The following GSE1 variants were observed in gnomAD, a reference collection of about 807,000 sequenced individuals.
GSE1 encodes the protein Gse1 coiled-coil protein, also known as genetic suppressor element 1.
In GSE1, 32 loss-of-function variants were observed where a neutral mutation model predicts 112.6. The observed-to-expected ratio is 0.28, with a 90% CI of 0.21 to 0.38. GSE1 has a LOEUF of 0.38. GSE1 is among the 10% of genes least tolerant of loss of function. GSE1 has a pLI of 1.00. For missense variants in GSE1, 2,348 were observed against 1,699.2 expected (o/e 1.38, Z -6.71); for synonymous variants, 1,115 against 735.6 (o/e 1.52, Z -8.35).
At chr16:85,525,248 TG>T (rs200945549) in intron 2 of GSE1, among the ~76,000 whole-genome samples, 240 of 139,904 alleles carry the variant, frequency 1.7e-3, no homozygotes, top group African/African-American at 4.9e-3. Flanking sequence ...CTGGCTCACT[TG>T]TCCCCCCCCC....
At chr16:85,661,014 A>G in intron 8 of GSE1, 132 bp from the exon 9 acceptor site, 1 of 717,202 alleles carries the variant, frequency 1.4e-6, no homozygotes, top group Non-Finnish European at 2.3e-6. Flanking sequence ...CCCTCCCTGC[A>G]GCCCTGTTGG....
chr16:85,646,728 G>C (rs1486596727), intron 2 of GSE1, among the ~76,000 whole-genome samples: 1 of 152,162 alleles, frequency 6.6e-6, no homozygotes, highest in Non-Finnish European at 1.5e-5. Flanking sequence ...GGAGTCGGGG[G>C]TGTGAGTGTG....
chr16:85,427,833 A>AAAAT (rs957734482), intron 2 of GSE1, among the ~76,000 whole-genome samples: 3 of 152,362 alleles, frequency 2.0e-5, no homozygotes, highest in South Asian at 2.1e-4. Flanking sequence ...CTCCGTCTCA[A>AAAAT]AAATAAATAA....
intron 1 of GSE1, among the ~76,000 whole-genome samples, chr16:85,603,121 C>G (rs973601546): frequency 1.3e-5 from 2 of 152,232 alleles, no homozygotes; most frequent in African/African-American, 4.8e-5. Context: ...TCAGAGCTCA[C>G]GAGGCAGCAA....
chr16:85,572,750 G>A (rs1298872476), intron 1 of GSE1, among the ~76,000 whole-genome samples: 2 of 152,202 alleles, frequency 1.3e-5, no homozygotes, highest in South Asian at 2.1e-4. Context: ...GACCTCATCC[G>A]GGAAAGGGGA....
chr16:85,521,913 C>T (rs1021577738), intron 2 of GSE1, among the ~76,000 whole-genome samples: 3 of 152,222 alleles, frequency 2.0e-5, no homozygotes, highest in African/African-American at 7.2e-5. Context: ...CCAAGTGTTC[C>T]CGTGACAGAG....
intron 2 of GSE1, among the ~76,000 whole-genome samples, chr16:85,451,164 T>C (rs2049669218): frequency 1.3e-5 from 2 of 150,770 alleles, no homozygotes; most frequent in African/African-American, 4.9e-5. Flanking sequence ...TACCAGTTGG[T>C]GAATTCTCAC....
At chr16:85,353,523 G>A (rs535944110) in intron 1 of GSE1, among the ~76,000 whole-genome samples, 23 of 152,200 alleles carry the variant, frequency 1.5e-4, no homozygotes, top group African/African-American at 5.5e-4. Flanking sequence ...ATCATCAGGA[G>A]AGTTCAACTT....
chr16:85,299,526 A>G (rs1243207186), intron 1 of GSE1, among the ~76,000 whole-genome samples: 1 of 152,236 alleles, frequency 6.6e-6, no homozygotes, highest in African/African-American at 2.4e-5. Context: ...CTGGGCCTCC[A>G]GTGAACTTGT....
intron 1 of GSE1, among the ~76,000 whole-genome samples, chr16:85,174,748 A>G (rs778307153): frequency 6.6e-5 from 10 of 152,298 alleles, no homozygotes; most frequent in Non-Finnish European, 1.0e-4. Context: ...CAGGGTGGGC[A>G]TGGGCAGCGA....
At chr16:85,653,906 G>C (rs1182584307) in intron 3 of GSE1, among the ~76,000 whole-genome samples, 1 of 152,172 alleles carries the variant, frequency 6.6e-6, no homozygotes, top group African/African-American at 2.4e-5. Context: ...CCGGGTGTGT[G>C]TCTGGTGTGA....
chr16:85,660,376 C>T (rs183301036), intron 8 of GSE1, among the ~76,000 whole-genome samples: 1 of 152,180 alleles, frequency 6.6e-6, no homozygotes, highest in Non-Finnish European at 1.5e-5. Context: ...GTGGCTCACT[C>T]CTGTAATCCC....
At chr16:85,666,507 T>G (rs1053299416) in intron 13 of GSE1, 160 bp downstream of exon 13, 1 of 691,504 alleles carries the variant, frequency 1.4e-6, no homozygotes, top group African/African-American at 1.8e-5. Flanking sequence ...AAAACCATGT[T>G]TGTTTGTTTA....
chr16:85,453,556 T>C (rs1028989510), intron 2 of GSE1, among the ~76,000 whole-genome samples: 2 of 152,034 alleles, frequency 1.3e-5, no homozygotes, highest in Non-Finnish European at 2.9e-5. Context: ...GTGGTGACCC[T>C]GGGGCTGGGT....
intron 1 of GSE1, among the ~76,000 whole-genome samples, chr16:85,258,940 G>C (rs931636275): frequency 6.6e-6 from 1 of 152,214 alleles, no homozygotes; most frequent in Non-Finnish European, 1.5e-5. Flanking sequence ...CAGCTGTCAG[G>C]GGCCCACTGC....
intron 1 of GSE1, among the ~76,000 whole-genome samples, chr16:85,236,123 G>A (rs1245288678): frequency 6.6e-6 from 1 of 152,150 alleles, no homozygotes; most frequent in Non-Finnish European, 1.5e-5. Context: ...CAGGCTGTAA[G>A]CTGGGCCACC....
chr16:85,174,992 C>T (rs2074431964), intron 1 of GSE1, among the ~76,000 whole-genome samples: 1 of 152,194 alleles, frequency 6.6e-6, no homozygotes, highest in Non-Finnish European at 1.5e-5. Flanking sequence ...GGAAGCCACT[C>T]AGCTGGGGAC....
Position 85,675,199 on chromosome 16 carries a change from T to C in GSE1, c.*2660T>C, listed in dbSNP as rs1204144843. 6.6e-6 allele frequency: 1 copy of C among 152,226 alleles called. No individual in the cohort carries two copies. The highest frequency in any genetic ancestry group is 2.4e-5 in the African/African-American group (1 of 41,462). 9.4% of individuals were successfully genotyped at this position (152,226 alleles called of 1,614,324 possible). A position where few individuals can be genotyped will look rare whatever the true frequency, so the allele number is the denominator to read the frequency against. ...TACTTCACACTGAGTACCTCAAATC[T>C]GCTCTGGAGTCGATTATGCCACCTG... On this transcript the variant is annotated 3_prime_UTR_variant, in exon 16 of 16. Coordinates refer to ENST00000253458, the MANE Select transcript of GSE1 (RefSeq NM_014615.5).
At chr16:85,662,880 C>A in intron 9 of GSE1, 101 bp from the exon 10 acceptor site, 1 of 817,358 alleles carries the variant, frequency 1.2e-6, no homozygotes, top group Non-Finnish European at 2.0e-6. Context: ...TGCCAGCAGG[C>A]CTGGCCTGAT....
Sources: allele counts gnomAD v4.1 joint callset (sites outside exome capture counted in the v4.1 genomes callset), GRCh38; gene constraint gnomAD v4.1.1; transcripts MANE v1.5; gene names NCBI Gene and HGNC (gene_info 2026-07-23, HGNC 2026-07-21).